Variants in TCERG1L observed in about 807,000 individuals in gnomAD.
The protein encoded by TCERG1L is transcription elongation regulator 1-like protein.
In TCERG1L, 37 loss-of-function variants were observed where a neutral mutation model predicts 56.3. The observed-to-expected ratio is 0.66, with a 90% CI of 0.51 to 0.87. The LOEUF is 0.87. Ranked by LOEUF, TCERG1L falls within the 40% of genes least tolerant of loss-of-function variation. The probability of loss-of-function intolerance (pLI) is 0.00; values close to 1 mark genes in which losing one functional copy is unlikely to be tolerated. For missense variants in TCERG1L, 799 were observed against 774.2 expected (o/e 1.03, Z -0.38); for synonymous variants, 324 against 326.3 (o/e 0.99, Z 0.08).
intron 6 of TCERG1L, among the ~76,000 whole-genome samples, chr10:131,151,609 G>A (rs1845868790): frequency 6.6e-6 from 1 of 152,090 alleles, no homozygotes; most frequent in South Asian, 2.1e-4. Context: ...GCTTTTCCAG[G>A]TGCATGGTGC....
rs1298209172 is a variant in TCERG1L, at chr10:131,209,617, G to T, written c.857-42732C>A. On this transcript the variant is annotated intron_variant, in intron 4 of 11. Coordinates refer to ENST00000368642, the MANE Select transcript of TCERG1L (RefSeq NM_174937.4). ...ATAGCCTTTGCCATTTGTGAGGCCT[G>T]CTAACCTTCTCTGAATAACCACTTT... 3.9e-5 allele frequency among the ~76,000 whole-genome samples: 6 copies of T among 152,170 alleles called. 1 individual carries two copies. Among genetic ancestry groups the T allele is most frequent in the Admixed American group, 3.9e-4 (6 of 15,268 alleles).
chr10:131,143,000 G>A (rs1046904289), intron 7 of TCERG1L, among the ~76,000 whole-genome samples: 1 of 150,522 alleles, frequency 6.6e-6, no homozygotes, highest in South Asian at 2.3e-4. Flanking sequence ...AAGAGAGAGA[G>A]GCAAGATGGA....
At chr10:131,239,474 C>A (rs867626947) in intron 4 of TCERG1L, among the ~76,000 whole-genome samples, 2 of 152,320 alleles carry the variant, frequency 1.3e-5, no homozygotes, top group Middle Eastern at 3.4e-3. Context: ...AAGCTTTTTA[C>A]AGATTTTGAC....
chr10:131,220,173 G>A (rs558603104), intron 4 of TCERG1L, among the ~76,000 whole-genome samples: 7 of 152,290 alleles, frequency 4.6e-5, no homozygotes, highest in South Asian at 4.1e-4. Flanking sequence ...CCTGCCATGC[G>A]AAGGGGACAG....
At chr10:131,127,752 C>T (rs935395995) in intron 8 of TCERG1L, among the ~76,000 whole-genome samples, 9 of 152,128 alleles carry the variant, frequency 5.9e-5, no homozygotes, top group South Asian at 2.1e-4. Flanking sequence ...AGACACAGCC[C>T]GTGTCACAAC....
chr10:131,154,811 C>T (rs10829932), intron 6 of TCERG1L, among the ~76,000 whole-genome samples: 27,309 of 152,262 alleles, frequency 0.18, 2,813 homozygotes, highest in South Asian at 0.27. Context: ...ATATGCAAGA[C>T]AAGGACACGA....
intron 11 of TCERG1L, among the ~76,000 whole-genome samples, chr10:131,093,866 T>C (rs1276660438): frequency 6.6e-6 from 1 of 152,120 alleles, no homozygotes; most frequent in Admixed American, 6.5e-5. Context: ...GTGATCTTGT[T>C]AAACCTCACT....
At chr10:131,139,523 C>T (rs572164938) in intron 7 of TCERG1L, among the ~76,000 whole-genome samples, 15 of 152,296 alleles carry the variant, frequency 9.8e-5, no homozygotes, top group African/African-American at 3.4e-4. Context: ...ATTACAGGTG[C>T]GGTGCAGACA....
At chr10:131,130,994 A>T (rs1845612731) in intron 8 of TCERG1L, among the ~76,000 whole-genome samples, 2 of 152,286 alleles carry the variant, frequency 1.3e-5, no homozygotes, top group Admixed American at 6.5e-5. Flanking sequence ...CACCTTCTGG[A>T]GAGGAAGCAA....
chr10:131,256,989 GAAGGAAAGAAAGA>G (rs1846172685), intron 4 of TCERG1L, among the ~76,000 whole-genome samples: 1 of 70,374 alleles, frequency 1.4e-5, no homozygotes, highest in East Asian at 3.4e-4. Context: ...AGGAAGGAAG[GAAGGAAAGAAAGA>G]AAGAAAGAAA....
At chr10:131,197,133 C>T (rs746670204) in intron 4 of TCERG1L, among the ~76,000 whole-genome samples, 2 of 151,974 alleles carry the variant, frequency 1.3e-5, no homozygotes, top group Non-Finnish European at 2.9e-5. Flanking sequence ...ATCTGGGACC[C>T]TGCTCAGTTT....
intron 4 of TCERG1L, among the ~76,000 whole-genome samples, chr10:131,218,487 T>C (rs192001332): frequency 4.4e-5 from 6 of 135,430 alleles, no homozygotes; most frequent in East Asian, 4.9e-4. Flanking sequence ...GATCCTTTTT[T>C]TCTATTTATT....
At chr10:131,176,479 C>G (rs995825153) in intron 4 of TCERG1L, among the ~76,000 whole-genome samples, 5 of 151,044 alleles carry the variant, frequency 3.3e-5, no homozygotes, top group Non-Finnish European at 7.4e-5. Context: ...CACACAGACA[C>G]GTGTACACAC....
chr10:131,110,146 C>T (rs1025214910), intron 9 of TCERG1L, among the ~76,000 whole-genome samples: 1 of 152,162 alleles, frequency 6.6e-6, no homozygotes, highest in African/African-American at 2.4e-5. Flanking sequence ...CCTTTCACAG[C>T]GGTTTTCAAC....
chr10:131,130,904 C>T (rs1845611493), intron 8 of TCERG1L, among the ~76,000 whole-genome samples: 1 of 152,016 alleles, frequency 6.6e-6, no homozygotes, highest in African/African-American at 2.4e-5. Context: ...CAGGGACGGG[C>T]ATCAACCCCC....
intron 8 of TCERG1L, among the ~76,000 whole-genome samples, chr10:131,120,031 G>A (rs1271523839): frequency 2.6e-5 from 4 of 152,070 alleles, no homozygotes; most frequent in Non-Finnish European, 4.4e-5. Context: ...CCCAGGGTCC[G>A]CCCCTCCCTG....
intron 4 of TCERG1L, among the ~76,000 whole-genome samples, chr10:131,223,303 C>A (rs1845755384): frequency 6.6e-6 from 1 of 152,180 alleles, no homozygotes. Context: ...TGGTGCAGAC[C>A]CCAATCCAGG....
intron 4 of TCERG1L, among the ~76,000 whole-genome samples, chr10:131,226,372 C>T (rs1363442783): frequency 1.3e-5 from 2 of 152,172 alleles, no homozygotes; most frequent in Non-Finnish European, 2.9e-5. Flanking sequence ...CCTCCATGCC[C>T]GGCTACCAAT....
intron 3 of TCERG1L, among the ~76,000 whole-genome samples, chr10:131,298,082 G>T (rs1846717997): frequency 6.8e-6 from 1 of 148,068 alleles, no homozygotes; most frequent in African/African-American, 2.5e-5. Flanking sequence ...TATATCCTTA[G>T]ATTTAATTAC....
Sources: gnomAD v4.1 joint callset for allele counts (sites outside exome capture counted in the v4.1 genomes callset) on GRCh38, gnomAD v4.1.1 for gene constraint, MANE v1.5 for transcripts, NCBI Gene and HGNC (gene_info 2026-07-23, HGNC 2026-07-21) for gene names.